The following HCRTR2 variants were observed in gnomAD, a reference collection of about 807,000 sequenced individuals.
The protein encoded by HCRTR2 is orexin receptor type 2.
Under a neutral mutation model 49.0 loss-of-function variants are expected in HCRTR2, and 22 were observed. The observed-to-expected ratio is 0.45, with a 90% CI of 0.32 to 0.64. HCRTR2 has a LOEUF of 0.64. HCRTR2 is among the 30% of genes least tolerant of loss of function. The probability of loss-of-function intolerance (pLI) is 0.04; values close to 1 mark genes in which losing one functional copy is unlikely to be tolerated. For synonymous variants in HCRTR2, 236 were observed against 205.3 expected (o/e 1.15, Z -1.28); for missense variants, 491 against 559.4 (o/e 0.88, Z 1.23).
intron 2 of HCRTR2, 113 bp downstream of exon 2, chr6:55,248,930 A>C: frequency 1.1e-6 from 1 of 895,736 alleles, no homozygotes; most frequent in Non-Finnish European, 1.8e-6. Context: ...TAAGGCATTG[A>C]CAAACTGAAG....
chr6:55,196,727 A>G (rs566320169), intron 1 of HCRTR2, among the ~76,000 whole-genome samples: 1 of 152,220 alleles, frequency 6.6e-6, no homozygotes, highest in Non-Finnish European at 1.5e-5. Context: ...AATGAGGTTA[A>G]CAAAAGAGAA....
rs141894547 is a variant in HCRTR2 at position 55,180,358 on chromosome 6, CA to C, written c.223+5553del. On this transcript the variant is annotated intron_variant, in intron 1 of 6. Transcript: ENST00000370862. ...CTAACCCTGACTGGAGATGCATAGG[CA>C]AAAAGAGGAAGGAAGAGATACTTAG... Among the ~76,000 whole-genome samples, 855 of 152,228 alleles carry C rather than the reference CA, an allele frequency of 5.6e-3. 5 individuals are homozygous for C. The highest frequency in any genetic ancestry group is 0.019 in the African/African-American group (807 of 41,542).
chr6:55,174,497 C>G, upstream of HCRTR2: 5 of 1,101,028 alleles, frequency 4.5e-6, no homozygotes, highest in Non-Finnish European at 7.0e-6. Context: ...CTAGCCTCTC[C>G]GCGCAGCCTT....
chr6:55,188,129 C>T (rs926336904), intron 1 of HCRTR2, among the ~76,000 whole-genome samples: 1 of 152,278 alleles, frequency 6.6e-6, no homozygotes, highest in South Asian at 2.1e-4. Flanking sequence ...TTTGACAGTA[C>T]AGCTATGCTA....
chr6:55,165,222 GGA>G (rs35805278), intron 1 of HCRTR2, among the ~76,000 whole-genome samples: 22,124 of 150,662 alleles, frequency 0.15, 2,119 homozygotes, highest in Non-Finnish European at 0.22. Flanking sequence ...TAAAAAGGAA[GGA>G]GAGAGAGAGA....
At chr6:55,172,837 G>A (rs1251141442), upstream of HCRTR2, among the ~76,000 whole-genome samples, 1 of 152,028 alleles carries the variant, frequency 6.6e-6, no homozygotes, top group Non-Finnish European at 1.5e-5. Flanking sequence ...AGGGGGTGGG[G>A]TAGTTAACTA....
At chr6:55,161,545 T>A (rs1002009849) in intron 1 of HCRTR2, among the ~76,000 whole-genome samples, 1 of 152,012 alleles carries the variant, frequency 6.6e-6, no homozygotes, top group Non-Finnish European at 1.5e-5. Flanking sequence ...ATCCAAGAGC[T>A]GTTTTTTTTG....
chr6:55,277,479 G>A lies in HCRTR2; in HGVS notation c.862G>A (p.Ala288Thr), dbSNP rs769781293. ...ACAGCCAACGAAGTCCCGGATGAGC[G>A]CTGTGGCGGCTGAAATAAAGCAGAT... The part of the protein sequence containing the change: ...PGQPTKSRMS[A>T]VAAEIKQIRA... Residue 288 changes from alanine to threonine, a missense_variant, in exon 5 of 7, where the codon GCT becomes ACT. Ala to Thr is a moderately conservative substitution (Grantham distance 58). Transcript: ENST00000370862. 2 of 1,613,928 alleles carry A rather than the reference G, an allele frequency of 1.2e-6. No homozygotes were observed. The highest frequency in any genetic ancestry group is 1.7e-5 in the Admixed American group (1 of 59,982).
At chr6:55,192,405 GCGCGCGCGCA>G (rs1765332403) in intron 1 of HCRTR2, among the ~76,000 whole-genome samples, 1 of 108,154 alleles carries the variant, frequency 9.2e-6, no homozygotes, top group African/African-American at 3.5e-5. Flanking sequence ...ACACACACGC[GCGCGCGCGCA>G]CACACACACA....
intron 1 of HCRTR2, among the ~76,000 whole-genome samples, chr6:55,175,392 A>G (rs1357001297): frequency 6.6e-6 from 1 of 152,156 alleles, no homozygotes; most frequent in Non-Finnish European, 1.5e-5. Context: ...GCACTCACTC[A>G]TAGAAGCTGA....
chr6:55,251,050 A>G (rs1766540529), intron 2 of HCRTR2, among the ~76,000 whole-genome samples: 1 of 152,210 alleles, frequency 6.6e-6, no homozygotes, highest in Admixed American at 6.6e-5. Flanking sequence ...TGCAATGAAC[A>G]GTGCCAATGG....
intron 1 of HCRTR2, among the ~76,000 whole-genome samples, chr6:55,163,102 G>T (rs1247505355): frequency 6.6e-6 from 1 of 152,026 alleles, no homozygotes; most frequent in African/African-American, 2.4e-5. Context: ...CGGGCGTGGT[G>T]GCAGGCGCCT....
chr6:55,147,398 T>C (rs1255650726), intron 1 of HCRTR2, among the ~76,000 whole-genome samples: 2 of 152,172 alleles, frequency 1.3e-5, no homozygotes, highest in Non-Finnish European at 2.9e-5. Flanking sequence ...CACAGACATA[T>C]GCATACACAC....
intron 1 of HCRTR2, among the ~76,000 whole-genome samples, chr6:55,148,124 T>C (rs964435792): frequency 2.0e-5 from 3 of 152,206 alleles, no homozygotes; most frequent in Admixed American, 6.5e-5. Flanking sequence ...AGTACCTTTA[T>C]ATAAATTAGC....
rs151106032 is a variant in HCRTR2, at chr6:55,134,245, C to T, written c.-378+27700C>T. Among the ~76,000 whole-genome samples the T allele has an allele frequency of 5.8e-3, 883 of 151,634 alleles. 5 individuals are homozygous for T. Among genetic ancestry groups the T allele is most frequent in the African/African-American group, 0.02 (843 of 41,408 alleles). The stretch of plus-strand genomic sequence containing the variant: ...TTTGTTTGTTTGTTTTTTGCTTCAA[C>T]TCACTCTAAAATTTTCTATCAAAAT... On this transcript the variant is annotated intron_variant, in intron 1 of 7. Transcript: ENST00000615358.
At position 55,241,861 on chromosome 6, in the gene HCRTR2, A is replaced by ATTTTTT. The variant is rs917427627; in HGVS notation, c.224-6760_224-6755dup. Among the ~76,000 whole-genome samples, 29 of 92,514 alleles carry ATTTTTT rather than the reference A, an allele frequency of 3.1e-4. 1 individual carries two copies. Among genetic ancestry groups the ATTTTTT allele is most frequent in the African/African-American group, 6.5e-4 (15 of 22,966 alleles). 60.7% of individuals were successfully genotyped at this position (92,514 alleles called of 152,430 possible). On this transcript the variant is annotated intron_variant, in intron 1 of 6. Coordinates refer to ENST00000370862, the MANE Select transcript of HCRTR2 (RefSeq NM_001384272.1). ...GTAGTCTGTCTTACTATGGCAACTAATTTTTTTTTTTTTTTTTTTTTTTGT... is the reference window on the plus strand; with the variant it reads ...GTAGTCTGTCTTACTATGGCAACTAATTTTTTTTTTTTTTTTTTTTTTTTTTTTTGT...
At chr6:55,142,897 T>G (rs941827260) in intron 1 of HCRTR2, among the ~76,000 whole-genome samples, 1 of 151,972 alleles carries the variant, frequency 6.6e-6, no homozygotes, top group African/African-American at 2.4e-5. Context: ...TTTTGAATTG[T>G]ACATATTTCT....
chr6:55,276,836 A>AT lies in HCRTR2; in HGVS notation c.763-538dup, dbSNP rs757526642. Among the ~76,000 whole-genome samples, 7 of 152,304 alleles carry AT rather than the reference A, an allele frequency of 4.6e-5. No homozygotes were observed. In the East Asian group the frequency reaches 1.2e-3, roughly 25 times the overall value. The stretch of plus-strand genomic sequence containing the variant: ...AATAGTGAACAACAAAAAATACTTG[A>AT]TTTTTTAAAAATATCCTTTCATTCA... On this transcript the variant is annotated intron_variant, in intron 4 of 6. Transcript: ENST00000370862.
intron 5 of HCRTR2, 137 bp downstream of exon 5, chr6:55,277,737 G>T: frequency 1.4e-6 from 1 of 701,172 alleles, no homozygotes; most frequent in Admixed American, 2.4e-5. Flanking sequence ...AGATGACTCA[G>T]TTATGTTGTT....
Sources: allele counts gnomAD v4.1 joint callset (sites outside exome capture counted in the v4.1 genomes callset), GRCh38; gene constraint gnomAD v4.1.1; transcripts MANE v1.5; gene names NCBI Gene and HGNC (gene_info 2026-07-23, HGNC 2026-07-21).